Variants in PIP5K1B observed in about 807,000 individuals in gnomAD.
PIP5K1B encodes the protein phosphatidylinositol 4-phosphate 5-kinase type-1 beta.
In PIP5K1B, 42 loss-of-function variants were observed where a neutral mutation model predicts 67.0. That is an observed-to-expected ratio of 0.63 (90% CI 0.49 to 0.81). The LOEUF is 0.81. Among genes scored for constraint, PIP5K1B ranks in the 30% least tolerant of loss-of-function variants. The probability of loss-of-function intolerance (pLI) is 0.00; values close to 1 mark genes in which losing one functional copy is unlikely to be tolerated. For synonymous variants in PIP5K1B, 214 were observed against 231.4 expected (o/e 0.92, Z 0.68); for missense variants, 459 against 646.3 (o/e 0.71, Z 3.14).
intron 14 of PIP5K1B, among the ~76,000 whole-genome samples, chr9:68,990,529 G>A (rs1045418128): frequency 6.6e-6 from 1 of 150,746 alleles, no homozygotes; most frequent in Non-Finnish European, 1.5e-5. Context: ...CAAAGTCAAA[G>A]ATAACTAATG....
At chr9:68,951,399 T>G (rs1453686303) in intron 14 of PIP5K1B, among the ~76,000 whole-genome samples, 1 of 152,234 alleles carries the variant, frequency 6.6e-6, no homozygotes, top group Non-Finnish European at 1.5e-5. Context: ...GCACTTTGTC[T>G]GGGAGAAGAT....
intron 4 of PIP5K1B, among the ~76,000 whole-genome samples, chr9:68,830,950 C>T (rs977183229): frequency 3.3e-5 from 5 of 152,234 alleles, no homozygotes; most frequent in African/African-American, 4.8e-5. Context: ...TTTCACCACT[C>T]ACTACCTGCC....
At chr9:68,781,184 A>G (rs1401987496) in intron 2 of PIP5K1B, 18 of 994,784 alleles carry the variant, frequency 1.8e-5, no homozygotes, top group South Asian at 1.5e-4. Flanking sequence ...GAGAACTTCT[A>G]TGTCAGGTTC....
chr9:68,827,225 C>A (rs1313166290), intron 4 of PIP5K1B, among the ~76,000 whole-genome samples: 1 of 152,100 alleles, frequency 6.6e-6, no homozygotes, highest in Non-Finnish European at 1.5e-5. Flanking sequence ...AAGTAGTAGG[C>A]AGTTTTGGAA....
intron 8 of PIP5K1B, among the ~76,000 whole-genome samples, chr9:68,897,908 C>G (rs12553327): frequency 0.27 from 40,887 of 152,060 alleles, 5,892 homozygotes; most frequent in Middle Eastern, 0.33. Flanking sequence ...CTAGCTTATT[C>G]CCTGCTCCCC....
intron 2 of PIP5K1B, among the ~76,000 whole-genome samples, chr9:68,779,435 T>C (rs1219068422): frequency 6.6e-6 from 1 of 152,214 alleles, no homozygotes; most frequent in Non-Finnish European, 1.5e-5. Flanking sequence ...CTCTCTGGCC[T>C]TTTTTCTGTA....
intron 15 of PIP5K1B, among the ~76,000 whole-genome samples, chr9:69,007,268 T>C (rs775171383): frequency 6.6e-6 from 1 of 152,186 alleles, no homozygotes; most frequent in Non-Finnish European, 1.5e-5. Flanking sequence ...ATTTCAAACT[T>C]TTTACTCAAG....
chr9:68,713,552 T>C (rs1383684939), intron 1 of PIP5K1B, among the ~76,000 whole-genome samples: 1 of 152,196 alleles, frequency 6.6e-6, no homozygotes, highest in African/African-American at 2.4e-5. Context: ...TATTCCCAGG[T>C]AAACCCAGGA....
chr9:68,837,980 C>A (rs559640281), intron 4 of PIP5K1B, among the ~76,000 whole-genome samples: 15 of 151,472 alleles, frequency 9.9e-5, no homozygotes, highest in Admixed American at 9.2e-4. Flanking sequence ...CCTCAGTAAA[C>A]TTTTATTTTC....
Position 68,802,431 on chromosome 9 carries a change from AATGG to A in PIP5K1B, c.-85-16003_-85-16000del, listed in dbSNP as rs377615270. ...GTGCCAGGCACTGTGATGGATAGAA[AATGG>A]ATGGATGGATGGATGGATGGATGGA... On this transcript the variant is annotated intron_variant, in intron 2 of 15. Coordinates refer to ENST00000265382, the MANE Select transcript of PIP5K1B (RefSeq NM_003558.4). Among the ~76,000 whole-genome samples the A allele has an allele frequency of 3.8e-3, 585 of 152,100 alleles. 3 individuals carry two copies. Among genetic ancestry groups the A allele is most frequent in the African/African-American group, 0.013 (540 of 41,464 alleles).
intron 4 of PIP5K1B, among the ~76,000 whole-genome samples, chr9:68,842,007 G>A (rs1821944482): frequency 6.6e-6 from 1 of 152,194 alleles, no homozygotes; most frequent in African/African-American, 2.4e-5. Flanking sequence ...CTGGGCCCTG[G>A]CCCTCAGCGT....
At chr9:68,984,419 A>G (rs1290316025) in intron 14 of PIP5K1B, among the ~76,000 whole-genome samples, 2 of 152,246 alleles carry the variant, frequency 1.3e-5, no homozygotes, top group African/African-American at 4.8e-5. Context: ...TAGATCCTGC[A>G]TAATGAGGAT....
At chr9:68,739,676 T>C (rs1434819619) in intron 1 of PIP5K1B, among the ~76,000 whole-genome samples, 1 of 152,202 alleles carries the variant, frequency 6.6e-6, no homozygotes, top group East Asian at 1.9e-4. Context: ...CTCCTCCAGC[T>C]CCTTCCACTG....
At chr9:68,752,469 TG>T (rs1281478218) in intron 2 of PIP5K1B, among the ~76,000 whole-genome samples, 2 of 152,224 alleles carry the variant, frequency 1.3e-5, no homozygotes, top group African/African-American at 4.8e-5. Context: ...GAATATGGTT[TG>T]GTTTCCTTTT....
intron 12 of PIP5K1B, among the ~76,000 whole-genome samples, chr9:68,924,231 A>G (rs1826560254): frequency 6.6e-6 from 1 of 151,214 alleles, no homozygotes; most frequent in Admixed American, 6.6e-5. Context: ...GTGAAACCCC[A>G]TCTCTACTAA....
intron 2 of PIP5K1B, among the ~76,000 whole-genome samples, chr9:68,804,375 A>C (rs185378982): frequency 6.6e-6 from 1 of 152,266 alleles, no homozygotes; most frequent in Non-Finnish European, 1.5e-5. Context: ...CATAGTTTAC[A>C]GGTGGGAAGG....
chr9:68,767,691 C>T (rs1218960142), intron 2 of PIP5K1B, among the ~76,000 whole-genome samples: 2 of 151,112 alleles, frequency 1.3e-5, no homozygotes, highest in East Asian at 1.9e-4. Flanking sequence ...AAGCTTGGCT[C>T]AATAATGGAG....
At chr9:68,733,371 AT>A (rs1828548753) in intron 1 of PIP5K1B, among the ~76,000 whole-genome samples, 1 of 152,082 alleles carries the variant, frequency 6.6e-6, no homozygotes, top group South Asian at 2.1e-4. Context: ...CTGTTTGTTC[AT>A]TTTGTGTCTA....
At chr9:68,967,210 A>G (rs1405379414) in intron 14 of PIP5K1B, among the ~76,000 whole-genome samples, 1 of 152,192 alleles carries the variant, frequency 6.6e-6, no homozygotes, top group Admixed American at 6.5e-5. Context: ...TTCCCCACAT[A>G]TTGTAGCTGG....
Sources: gnomAD v4.1 joint callset for allele counts (sites outside exome capture counted in the v4.1 genomes callset) on GRCh38, gnomAD v4.1.1 for gene constraint, MANE v1.5 for transcripts, NCBI Gene and HGNC (gene_info 2026-07-23, HGNC 2026-07-21) for gene names.